The following LCA5 variants were observed in gnomAD, a reference collection of about 807,000 sequenced individuals.
LCA5 encodes the protein lebercilin LCA5.
In LCA5, 37 loss-of-function variants were observed where a neutral mutation model predicts 53.0. That is an observed-to-expected ratio of 0.70 (90% CI 0.54 to 0.92). The LOEUF (loss-of-function observed/expected upper bound fraction) is 0.92. LCA5 is among the 40% of genes least tolerant of loss of function. The pLI is 0.00. For synonymous variants in LCA5, 303 were observed against 282.9 expected (o/e 1.07, Z -0.71); for missense variants, 806 against 790.5 (o/e 1.02, Z -0.23).
At chr6:79,492,005 C>T (rs1285931667) in intron 5 of LCA5, among the ~76,000 whole-genome samples, 1 of 151,856 alleles carries the variant, frequency 6.6e-6, no homozygotes, top group Non-Finnish European at 1.5e-5. Flanking sequence ...AGAATTCTGA[C>T]TATAAATGCT....
chr6:79,526,218 C>T (rs1766782699), intron 1 of LCA5, among the ~76,000 whole-genome samples: 1 of 152,080 alleles, frequency 6.6e-6, no homozygotes, highest in Non-Finnish European at 1.5e-5. Context: ...TCCCAATAGC[C>T]ACTGCCAGGA....
At chr6:79,504,560 C>T (rs764602882) in intron 3 of LCA5, among the ~76,000 whole-genome samples, 3 of 152,238 alleles carry the variant, frequency 2.0e-5, no homozygotes, top group Admixed American at 6.5e-5. Context: ...AGTTGGCCAC[C>T]GGTCACTGGG....
intron 1 of LCA5, among the ~76,000 whole-genome samples, chr6:79,523,440 T>C (rs897363958): frequency 6.6e-6 from 1 of 152,196 alleles, no homozygotes; most frequent in Non-Finnish European, 1.5e-5. Flanking sequence ...TTTTAAAATG[T>C]AAAATGGTAA....
At chr6:79,516,707 A>C (rs1037507150) in intron 2 of LCA5, among the ~76,000 whole-genome samples, 20 of 152,016 alleles carry the variant, frequency 1.3e-4, no homozygotes, top group Admixed American at 6.6e-5. Flanking sequence ...GTAAGAAGAA[A>C]GATGATTGTT....
chr6:79,513,050 T>C, intron 3 of LCA5, 162 bp downstream of exon 3: 1 of 692,348 alleles, frequency 1.4e-6, no homozygotes, highest in Non-Finnish European at 2.5e-6. Context: ...CTTTTGCATC[T>C]TCCTCTTAAA....
At chr6:79,528,632 C>T (rs1485857868) in intron 1 of LCA5, among the ~76,000 whole-genome samples, 1 of 152,098 alleles carries the variant, frequency 6.6e-6, no homozygotes, top group Non-Finnish European at 1.5e-5. Context: ...GAACTTAAGG[C>T]CCGAAACCAA....
At chr6:79,516,948 A>G (rs1766456394) in intron 2 of LCA5, among the ~76,000 whole-genome samples, 1 of 152,034 alleles carries the variant, frequency 6.6e-6, no homozygotes, top group Admixed American at 6.6e-5. Context: ...AAATTTTACC[A>G]TGAAAAATTT....
At chr6:79,528,250 G>A (rs187889480) in intron 1 of LCA5, among the ~76,000 whole-genome samples, 45 of 152,202 alleles carry the variant, frequency 3.0e-4, no homozygotes, top group African/African-American at 9.2e-4. Flanking sequence ...CAATTCCCTC[G>A]TTCTCTATAG....
rs780850008 is a variant in LCA5, at chr6:79,513,382, C to T, written c.550G>A (p.Ala184Thr). 6.2e-7 allele frequency: 1 copy of T among 1,613,764 alleles called. No homozygotes were observed. The highest frequency in any genetic ancestry group is 8.5e-7 in the Non-Finnish European group (1 of 1,179,870). Residue 184 changes from alanine to threonine, a missense_variant, in exon 3 of 8, where the codon GCA (alanine) becomes ACA (threonine). Ala to Thr is a moderately conservative substitution (Grantham distance 58). Coordinates refer to ENST00000369846, the MANE Select transcript of LCA5 (RefSeq NM_001122769.3). ...GTATCTTTTACCCTTTTCTCAGTTG[C>T]CCGTTCTTTCTCTTGAGATTTTCTT... ...RLRKSQEKER[A>T]TEKRVKDTES...
chr6:79,513,482 A>AAACTTATTCAG lies in LCA5; in HGVS notation c.439_449dup (p.Glu151Ter), dbSNP rs1348991495. 4 of 1,613,956 alleles carry AAACTTATTCAG rather than the reference A, an allele frequency of 2.5e-6. No homozygotes were observed. Among genetic ancestry groups the AAACTTATTCAG allele is most frequent in the Non-Finnish European group, 3.4e-6 (4 of 1,179,912 alleles). ...GTGAGATTTCATTTTCGGCATCTTC[A>AAACTTATTCAG]AACTTATTCAGGGCTTTCTCCTGTC... is the stretch of plus-strand genomic sequence containing the variant. On this transcript the variant is annotated stop_gained and frameshift_variant, in exon 3 of 8. Transcript: ENST00000369846. LOFTEE classifies it high-confidence loss of function.
intron 3 of LCA5, among the ~76,000 whole-genome samples, chr6:79,494,013 CCTGTGCTTTGAG>C (rs1176685795): frequency 6.6e-6 from 1 of 152,086 alleles, no homozygotes; most frequent in Non-Finnish European, 1.5e-5. Context: ...TGCCTATAAT[CCTGTGCTTTGAG>C]AGGCCTAGGC....
chr6:79,487,301 C>A lies in LCA5; in HGVS notation c.1797G>T (p.Glu599Asp). The change falls in exon 8 of 8, where the codon GAG becomes GAT. Residue 599 changes from glutamate to aspartate, a missense_variant. Coordinates refer to ENST00000369846, the MANE Select transcript of LCA5 (RefSeq NM_001122769.3). The stretch of plus-strand genomic sequence containing the variant: ...ACTGTTCCATCAAATTAGCTTTTTT[C>A]TCTTTTCTTGTAATTAAATCTACAC... ...KDGVDLITRK[E>D]KKANLMEQLF... is the part of the protein sequence containing the mutation. The A allele has an allele frequency of 6.2e-7, 1 of 1,613,612 alleles. No homozygotes were observed. Among genetic ancestry groups the A allele is most frequent in the Non-Finnish European group, 8.5e-7 (1 of 1,179,816 alleles).
In LCA5 at chr6:79,487,533, T is replaced by C; in HGVS notation, c.1565A>G (p.His522Arg). 1 of 1,614,064 alleles carries C rather than the reference T, an allele frequency of 6.2e-7. No homozygotes were observed. Among genetic ancestry groups the C allele is most frequent in the Non-Finnish European group, 8.5e-7 (1 of 1,179,924 alleles). Reference protein sequence around the residue: ...SESSERLFNGHHLQDISFSTP... With the variant: ...SESSERLFNGRHLQDISFSTP... ...TGAGAAACTGATGTCTTGCAAATGA[T>C]GCCCATTAAATAATCTCTCTGAGGA... is the stretch of plus-strand genomic sequence containing the variant. Residue 522 changes from histidine (H) to arginine (R), a missense_variant, in exon 8 of 8, where the codon CAT becomes CGT. By Grantham distance (29) the His-to-Arg change is conservative. Coordinates refer to ENST00000369846, the MANE Select transcript of LCA5 (RefSeq NM_001122769.3).
intron 1 of LCA5, among the ~76,000 whole-genome samples, chr6:79,531,283 G>A (rs1453262869): frequency 6.6e-6 from 1 of 152,050 alleles, no homozygotes; most frequent in Non-Finnish European, 1.5e-5. Context: ...CCTTTTTAAA[G>A]CTAAACCTTT....
At chr6:79,497,892 G>T (rs1770025030) in intron 3 of LCA5, among the ~76,000 whole-genome samples, 1 of 149,404 alleles carries the variant, frequency 6.7e-6, no homozygotes. Flanking sequence ...AGAATCGCTT[G>T]AACCCGGGAG....
Position 79,486,871 on chromosome 6 carries a change from G to T in LCA5, c.*133C>A. ...ATGTATGATCTACTTCTTTTTAACT[G>T]CATTGTATTTAGCTATTAAAAATCA... On this transcript the variant is annotated 3_prime_UTR_variant, in exon 8 of 8. Transcript: ENST00000369846. 1 of 734,210 alleles carries T rather than the reference G, an allele frequency of 1.4e-6. No homozygotes were observed. Among genetic ancestry groups the T allele is most frequent in the Non-Finnish European group, 2.2e-6 (1 of 463,172 alleles). The allele number at this position is 734,210 out of a possible 1,614,324, so 45.5% of individuals were successfully genotyped here.
intron 1 of LCA5, among the ~76,000 whole-genome samples, chr6:79,534,269 G>T (rs999473687): frequency 6.6e-6 from 1 of 151,798 alleles, no homozygotes; most frequent in Admixed American, 6.6e-5. Flanking sequence ...TGATCAATCA[G>T]ATCACAGTAA....
chr6:79,522,611 A>C (rs1045725299), intron 1 of LCA5, among the ~76,000 whole-genome samples: 1 of 152,220 alleles, frequency 6.6e-6, no homozygotes, highest in Non-Finnish European at 1.5e-5. Flanking sequence ...ACAACCACCA[A>C]GTGCAATCCA....
At chr6:79,489,703 G>A (rs1046554450) in intron 6 of LCA5, among the ~76,000 whole-genome samples, 7 of 151,950 alleles carry the variant, frequency 4.6e-5, no homozygotes, top group Non-Finnish European at 1.0e-4. Context: ...AAAATTCCTT[G>A]TTTCCTATGG....
Sources: allele counts gnomAD v4.1 joint callset (sites outside exome capture counted in the v4.1 genomes callset), GRCh38; gene constraint gnomAD v4.1.1; transcripts MANE v1.5; gene names NCBI Gene and HGNC (gene_info 2026-07-23, HGNC 2026-07-21).